Variants in MARCHF1 observed in about 807,000 individuals in gnomAD.
MARCHF1 encodes membrane associated ring-CH-type finger 1.
A neutral mutation model predicts 54.2 loss-of-function variants in MARCHF1; 40 were observed. That is an observed-to-expected ratio of 0.74 (90% CI 0.57 to 0.96). The LOEUF (loss-of-function observed/expected upper bound fraction) is 0.96. MARCHF1 is among the 40% of genes least tolerant of loss of function. MARCHF1 has a pLI of 0.00. For missense variants in MARCHF1, 586 were observed against 656.5 expected, an observed-to-expected ratio of 0.89 and a Z score of 1.17; for synonymous variants, 236 against 236.3, an observed-to-expected ratio of 1.00 and a Z score of 0.01.
At chr4:163,631,481 T>C (rs530135873) in intron 5 of MARCHF1, among the ~76,000 whole-genome samples, 2 of 152,332 alleles carry the variant, frequency 1.3e-5, no homozygotes, top group African/African-American at 4.8e-5. Context: ...GTATGAGCCA[T>C]GGCGCCAGGC....
intron 1 of MARCHF1, among the ~76,000 whole-genome samples, chr4:164,214,121 C>A (rs1009514221): frequency 6.6e-6 from 1 of 151,176 alleles, no homozygotes; most frequent in Non-Finnish European, 1.5e-5. Flanking sequence ...TTTCTGTATT[C>A]GTGACACATA....
chr4:163,976,359 G>A (rs910723830), intron 3 of MARCHF1, among the ~76,000 whole-genome samples: 9 of 152,138 alleles, frequency 5.9e-5, no homozygotes, highest in African/African-American at 2.2e-4. Context: ...TGTGTTTGAT[G>A]ACAAAATGAG....
intron 2 of MARCHF1, among the ~76,000 whole-genome samples, chr4:164,026,092 T>TAAC (rs991636687): frequency 8.6e-5 from 13 of 151,794 alleles, no homozygotes; most frequent in African/African-American, 1.9e-4. Context: ...AGAAACCTGA[T>TAAC]AACAACAACA....
rs112026413 is a variant in MARCHF1 at position 163,910,474 on chromosome 4, C to T, written c.-38-56305G>A. On this transcript the variant is annotated intron_variant, in intron 3 of 9. Coordinates refer to ENST00000514618, the MANE Select transcript of MARCHF1 (RefSeq NM_001394959.1). Reference sequence around the variant, plus strand: ...AAGTGACCCCAGTTTTTCTAAGCTTCCCAAATAGCAATCTTTTGTTGTTGT... The same window carrying T: ...AAGTGACCCCAGTTTTTCTAAGCTTTCCAAATAGCAATCTTTTGTTGTTGT... 7.0e-3 allele frequency among the ~76,000 whole-genome samples: 1,059 copies of T among 151,256 alleles called. 8 individuals are homozygous for T. The highest frequency in any genetic ancestry group is 0.011 in the Non-Finnish European group (773 of 67,980).
At chr4:164,155,586 A>C (rs1730055490) in intron 1 of MARCHF1, among the ~76,000 whole-genome samples, 1 of 152,186 alleles carries the variant, frequency 6.6e-6, no homozygotes, top group African/African-American at 2.4e-5. Flanking sequence ...TTTCAAAGCA[A>C]GTCGAATACC....
intron 4 of MARCHF1, among the ~76,000 whole-genome samples, chr4:163,796,904 A>T (rs1387790770): frequency 6.6e-6 from 1 of 152,146 alleles, no homozygotes; most frequent in East Asian, 1.9e-4. Flanking sequence ...TTCTTATGCC[A>T]GCTTTGTCTA....
At chr4:164,099,287 C>T (rs890763400) in intron 2 of MARCHF1, among the ~76,000 whole-genome samples, 1 of 152,272 alleles carries the variant, frequency 6.6e-6, no homozygotes, top group East Asian at 1.9e-4. Flanking sequence ...TGTGAGAGCT[C>T]TTTCCATTTA....
intron 1 of MARCHF1, among the ~76,000 whole-genome samples, chr4:164,186,626 G>A (rs1224962959): frequency 6.6e-6 from 1 of 152,126 alleles, no homozygotes; most frequent in African/African-American, 2.4e-5. Flanking sequence ...CTCAGATTTT[G>A]CTCAGATCTG....
At chr4:164,051,217 T>C (rs550142000) in intron 2 of MARCHF1, among the ~76,000 whole-genome samples, 2 of 152,298 alleles carry the variant, frequency 1.3e-5, no homozygotes, top group South Asian at 4.1e-4. Flanking sequence ...AGAAAATATA[T>C]GCAAATTTAT....
intron 4 of MARCHF1, among the ~76,000 whole-genome samples, chr4:163,703,577 A>C (rs1744867715): frequency 6.6e-6 from 1 of 152,136 alleles, no homozygotes; most frequent in East Asian, 1.9e-4. Flanking sequence ...CTCAGAATCT[A>C]ACATAACTTA....
At position 163,904,072 on chromosome 4, in the gene MARCHF1, C is replaced by A. The variant is rs907221296; in HGVS notation, c.-38-49903G>T. 3.5e-4 allele frequency among the ~76,000 whole-genome samples: 53 copies of A among 152,132 alleles called. 1 individual carries two copies. The highest frequency in any genetic ancestry group is 8.8e-5 in the Non-Finnish European group (6 of 68,024). ...TTAGACACTCTTATTTTTCATTTCA[C>A]ATTTGTCATACTTATAAGAATTACT... On this transcript the variant is annotated intron_variant, in intron 3 of 9. Coordinates refer to ENST00000514618, the MANE Select transcript of MARCHF1 (RefSeq NM_001394959.1).
At chr4:163,828,702 T>C (rs189176213) in intron 4 of MARCHF1, 3 of 152,294 alleles carry the variant, frequency 2.0e-5, no homozygotes, top group African/African-American at 7.2e-5. Context: ...AAACATCTCA[T>C]TGTGGACCAT....
At chr4:163,770,521 A>AACACACACAC (rs36201521) in intron 4 of MARCHF1, among the ~76,000 whole-genome samples, 1 of 147,208 alleles carries the variant, frequency 6.8e-6, no homozygotes, top group African/African-American at 2.5e-5. Context: ...TCCCTCACTG[A>AACACACACAC]ACACACACAC....
intron 2 of MARCHF1, among the ~76,000 whole-genome samples, chr4:164,078,064 A>C (rs1347643740): frequency 6.6e-6 from 1 of 152,228 alleles, no homozygotes; most frequent in Non-Finnish European, 1.5e-5. Flanking sequence ...TCATTCCACT[A>C]TAAAGACACA....
In MARCHF1 at chr4:164,206,863, C is replaced by T. The variant is rs1318736075; in HGVS notation, c.-322-95201G>A. ...TTATTTAATAATTGTAAATCAATAACAAAGGAAAAAACTCTGTAAACAGTA... is the reference window on the plus strand; with the variant it reads ...TTATTTAATAATTGTAAATCAATAATAAAGGAAAAAACTCTGTAAACAGTA... On this transcript the variant is annotated intron_variant, in intron 1 of 9. Transcript: ENST00000514618. Among the ~76,000 whole-genome samples the T allele has an allele frequency of 3.3e-5, 5 of 151,552 alleles. No individual in the cohort carries two copies. The East Asian group carries it at 9.7e-4, about 29-fold the overall frequency.
chr4:164,025,159 C>T (rs946232488), intron 2 of MARCHF1, among the ~76,000 whole-genome samples: 1 of 151,438 alleles, frequency 6.6e-6, no homozygotes, highest in African/African-American at 2.4e-5. Flanking sequence ...TTTCAAGACT[C>T]CACTGATAGC....
chr4:163,609,066 T>C (rs1432446490), intron 7 of MARCHF1, among the ~76,000 whole-genome samples: 1 of 152,114 alleles, frequency 6.6e-6, no homozygotes, highest in Non-Finnish European at 1.5e-5. Context: ...ATATCTTTAG[T>C]ACCTTGTGCT....
At chr4:164,143,063 A>G (rs1277666283) in intron 1 of MARCHF1, among the ~76,000 whole-genome samples, 1 of 147,510 alleles carries the variant, frequency 6.8e-6, no homozygotes, top group Non-Finnish European at 1.5e-5. Context: ...ACTGGAAGAA[A>G]GGGTATCAGC....
chr4:164,162,239 C>A (rs1051242170), intron 1 of MARCHF1, among the ~76,000 whole-genome samples: 1 of 151,946 alleles, frequency 6.6e-6, no homozygotes, highest in African/African-American at 2.4e-5. Context: ...CTTCTAGAAT[C>A]TAGAAATGCA....
Sources: allele counts gnomAD v4.1 joint callset (sites outside exome capture counted in the v4.1 genomes callset), GRCh38; gene constraint gnomAD v4.1.1; transcripts MANE v1.5; gene names NCBI Gene and HGNC (gene_info 2026-07-23, HGNC 2026-07-21).